The following THSD4 variants were observed in gnomAD, a reference collection of about 807,000 sequenced individuals.
The protein encoded by THSD4 is thrombospondin type-1 domain-containing protein 4.
Under a neutral mutation model 119.0 loss-of-function variants are expected in THSD4, and 69 were observed. The observed-to-expected ratio is 0.58, with a 90% CI of 0.48 to 0.71. THSD4 has a LOEUF of 0.71. Ranked by LOEUF, THSD4 falls within the 30% of genes least tolerant of loss-of-function variation. The pLI is 0.00. For synonymous variants in THSD4, 524 were observed against 540.4 expected, an observed-to-expected ratio of 0.97 and a Z score of 0.42; for missense variants, 1,393 against 1,391.1, an observed-to-expected ratio of 1.00 and a Z score of -0.02.
At chr15:71,148,343 A>T (rs1369699186) in intron 2 of THSD4, among the ~76,000 whole-genome samples, 4 of 152,220 alleles carry the variant, frequency 2.6e-5, no homozygotes, top group Non-Finnish European at 5.9e-5. Context: ...CCAGATTCAG[A>T]AAGCCCTAGG....
chr15:71,182,701 C>A lies in THSD4; in HGVS notation c.99+27769C>A, dbSNP rs576850761. On this transcript the variant is annotated intron_variant, in intron 3 of 17. Coordinates refer to ENST00000261862, the MANE Select transcript of THSD4 (RefSeq NM_024817.3). ...CTTTGGGGAGCAAAATGAATCATAG[C>A]ACAGTCTTCTGGGCACTGTCTTTGT... Among the ~76,000 whole-genome samples, 12 of 151,792 alleles carry A rather than the reference C, an allele frequency of 7.9e-5. No individual in the cohort carries two copies. In the South Asian group the frequency reaches 2.5e-3, roughly 32 times the overall value.
chr15:71,511,266 G>A (rs1206541119), intron 7 of THSD4, among the ~76,000 whole-genome samples: 4 of 152,156 alleles, frequency 2.6e-5, no homozygotes, highest in Non-Finnish European at 2.9e-5. Context: ...TTTGGTATTG[G>A]ACTGAGGCAG....
At chr15:71,751,047 C>T (rs1276848907) in intron 14 of THSD4, among the ~76,000 whole-genome samples, 6 of 152,186 alleles carry the variant, frequency 3.9e-5, no homozygotes, top group Admixed American at 2.6e-4. Context: ...GTCAAGAGGT[C>T]TCCTTTTACA....
At chr15:71,539,388 A>G (rs771675751) in intron 7 of THSD4, among the ~76,000 whole-genome samples, 13 of 152,234 alleles carry the variant, frequency 8.5e-5, no homozygotes, top group Non-Finnish European at 1.2e-4. Flanking sequence ...CACTTTAGCC[A>G]TACCATATGG....
At chr15:71,651,509 C>G (rs1361720419) in intron 7 of THSD4, among the ~76,000 whole-genome samples, 1 of 152,176 alleles carries the variant, frequency 6.6e-6, no homozygotes, top group African/African-American at 2.4e-5. Context: ...CCCAGTCAGT[C>G]CTCTCAGCCG....
intron 6 of THSD4, among the ~76,000 whole-genome samples, chr15:71,324,733 A>G (rs1377674968): frequency 1.3e-5 from 2 of 152,204 alleles, no homozygotes. Context: ...GGTTAGTTCC[A>G]TAGCTTTACA....
chr15:71,604,800 G>A (rs2050077075), intron 7 of THSD4, among the ~76,000 whole-genome samples: 1 of 148,342 alleles, frequency 6.7e-6, no homozygotes, highest in Non-Finnish European at 1.5e-5. Context: ...CATCTTTGAA[G>A]TGCCAAAAGT....
intron 1 of THSD4, among the ~76,000 whole-genome samples, chr15:71,118,182 G>A (rs1186838315): frequency 2.0e-5 from 3 of 152,054 alleles, no homozygotes; most frequent in African/African-American, 4.8e-5. Context: ...GTATGGACAC[G>A]GTTGAATCCA....
chr15:71,590,862 C>T lies in THSD4; in HGVS notation c.1153-69668C>T, dbSNP rs980234448. ...ACTAAAAATACAAAAAAAAATTAGC[C>T]GGGCATGGTCGTGGGCACCTGTAGT... On this transcript the variant is annotated intron_variant, in intron 7 of 17. Transcript: ENST00000261862. Among the ~76,000 whole-genome samples the T allele has an allele frequency of 4.6e-5, 7 of 151,504 alleles. No individual in the cohort carries two copies. In the East Asian group the frequency reaches 1.2e-3, roughly 25 times the overall value.
chr15:71,678,964 A>T (rs755010730), intron 8 of THSD4, among the ~76,000 whole-genome samples: 3 of 151,936 alleles, frequency 2.0e-5, no homozygotes, highest in Non-Finnish European at 4.4e-5. Context: ...TTTTCCCTTT[A>T]TTATCTAGTG....
chr15:71,707,648 C>A (rs145132614), intron 8 of THSD4, among the ~76,000 whole-genome samples: 46 of 152,268 alleles, frequency 3.0e-4, no homozygotes, highest in Non-Finnish European at 6.5e-4. Flanking sequence ...ATCTCTTGGG[C>A]CCTTTTGAAC....
intron 15 of THSD4, among the ~76,000 whole-genome samples, chr15:71,759,285 A>G (rs953380334): frequency 2.0e-5 from 3 of 152,240 alleles, no homozygotes; most frequent in African/African-American, 7.2e-5. Flanking sequence ...AAGTACTTCC[A>G]GTGCTACTCT....
chr15:71,685,512 A>G (rs1388057129), intron 8 of THSD4, among the ~76,000 whole-genome samples: 1 of 152,162 alleles, frequency 6.6e-6, no homozygotes, highest in African/African-American at 2.4e-5. Flanking sequence ...TTTTGAGAAG[A>G]GTGGCATCAT....
intron 6 of THSD4, among the ~76,000 whole-genome samples, chr15:71,290,307 A>G (rs527624322): frequency 2.0e-5 from 3 of 152,186 alleles, no homozygotes; most frequent in Non-Finnish European, 4.4e-5. Flanking sequence ...TGTCCTTTAA[A>G]TATATTTTCC....
At chr15:71,651,753 A>G (rs2051094660) in intron 7 of THSD4, among the ~76,000 whole-genome samples, 1 of 152,168 alleles carries the variant, frequency 6.6e-6, no homozygotes, top group African/African-American at 2.4e-5. Flanking sequence ...GTCAGCCTGC[A>G]TCTCTGGGTC....
chr15:71,168,656 T>C (rs376952257), intron 3 of THSD4, among the ~76,000 whole-genome samples: 18 of 152,182 alleles, frequency 1.2e-4, no homozygotes, highest in African/African-American at 4.1e-4. Flanking sequence ...CAGGTCACGA[T>C]GCAAACAGCA....
intron 7 of THSD4, among the ~76,000 whole-genome samples, chr15:71,578,669 T>A (rs2049501298): frequency 6.6e-6 from 1 of 151,982 alleles, no homozygotes; most frequent in Non-Finnish European, 1.5e-5. Flanking sequence ...TCTTCTTAAG[T>A]GGCCTACGAC....
rs779207517 is a variant in THSD4 at position 71,277,128 on chromosome 15, C to CTTTTTTTTTTTTTTTTTTTTTTTT, written c.1015+20427_1015+20428insTTTTTTTTTTTTTTTTTTTTTTTT. ...TATTTGTATTTGAATTCTTCTTCTT[C>CTTTTTTTTTTTTTTTTTTTTTTTT]TTTTTTTTTTTTTTGAAACGGAGTT... On this transcript the variant is annotated intron_variant, in intron 6 of 17. Transcript: ENST00000261862. 4.8e-4 allele frequency among the ~76,000 whole-genome samples: 59 copies of CTTTTTTTTTTTTTTTTTTTTTTTT among 122,992 alleles called. 1 individual carries two copies. Among genetic ancestry groups the CTTTTTTTTTTTTTTTTTTTTTTTT allele is most frequent in the African/African-American group, 1.1e-3 (33 of 29,760 alleles). 80.7% of individuals were successfully genotyped at this position (122,992 alleles called of 152,430 possible).
At chr15:71,675,582 C>T (rs781423399) in intron 8 of THSD4, among the ~76,000 whole-genome samples, 2 of 152,164 alleles carry the variant, frequency 1.3e-5, no homozygotes, top group African/African-American at 2.4e-5. Flanking sequence ...ATCTTAGCCC[C>T]TCTTGATCAT....
Sources: allele counts gnomAD v4.1 joint callset (sites outside exome capture counted in the v4.1 genomes callset), GRCh38; gene constraint gnomAD v4.1.1; transcripts MANE v1.5; gene names NCBI Gene and HGNC (gene_info 2026-07-23, HGNC 2026-07-21).